The following WWC1 variants were observed in gnomAD, a reference collection of about 807,000 sequenced individuals.
WWC1 encodes the protein WW and C2 domain containing 1.
A neutral mutation model predicts 138.4 loss-of-function variants in WWC1; 55 were observed. That is an observed-to-expected ratio of 0.40 (90% CI 0.32 to 0.50). The LOEUF (loss-of-function observed/expected upper bound fraction) is 0.50. Ranked by LOEUF, WWC1 falls within the 20% of genes least tolerant of loss-of-function variation. The pLI is 0.72. For missense variants in WWC1, 1,226 were observed against 1,420.4 expected, an observed-to-expected ratio of 0.86 and a Z score of 2.20; for synonymous variants, 524 against 564.9, an observed-to-expected ratio of 0.93 and a Z score of 1.03.
intron 17 of WWC1, among the ~76,000 whole-genome samples, chr5:168,445,773 C>T (rs1279130427): frequency 4.7e-5 from 7 of 147,670 alleles, no homozygotes; most frequent in Non-Finnish European, 9.0e-5. Context: ...CATGGTGTTA[C>T]TGGGAATCCA....
At chr5:168,296,824 C>G (rs943882783) in intron 1 of WWC1, among the ~76,000 whole-genome samples, 3 of 152,186 alleles carry the variant, frequency 2.0e-5, no homozygotes, top group Non-Finnish European at 4.4e-5. Flanking sequence ...CATTTCTAAC[C>G]ACTGCCTCAT....
chr5:168,312,033 A>C (rs1275152811), intron 1 of WWC1, among the ~76,000 whole-genome samples: 4 of 151,702 alleles, frequency 2.6e-5, no homozygotes, highest in African/African-American at 7.3e-5. Flanking sequence ...TGGGTGACGG[A>C]GCAAGACTCA....
At chr5:168,464,592 C>T (rs1346769207) in intron 20 of WWC1, 137 bp from the exon 21 acceptor site, 1 of 1,408,610 alleles carries the variant, frequency 7.1e-7, no homozygotes, top group East Asian at 2.5e-5. Flanking sequence ...TCAAAACAGG[C>T]TTCCCAGGGA....
intron 8 of WWC1, chr5:168,410,284 C>T (rs1043342215): frequency 4.6e-5 from 17 of 372,406 alleles, no homozygotes; most frequent in African/African-American, 1.6e-4. Flanking sequence ...TTTCTGCAAC[C>T]GAGGCTTTCC....
intron 1 of WWC1, among the ~76,000 whole-genome samples, chr5:168,366,495 C>A (rs1009242567): frequency 6.6e-6 from 1 of 152,202 alleles, no homozygotes; most frequent in African/African-American, 2.4e-5. Context: ...CCCTCTCCTT[C>A]TAGCTTTGGG....
intron 1 of WWC1, among the ~76,000 whole-genome samples, chr5:168,359,720 G>A (rs1775741878): frequency 6.6e-6 from 1 of 152,016 alleles, no homozygotes; most frequent in Non-Finnish European, 1.5e-5. Context: ...TCACTTGTAT[G>A]TGTAAAAAAC....
chr5:168,435,764 C>G (rs901858812), intron 15 of WWC1, among the ~76,000 whole-genome samples: 1 of 152,128 alleles, frequency 6.6e-6, no homozygotes, highest in African/African-American at 2.4e-5. Flanking sequence ...GTTTCTTTCC[C>G]TTTCTTTATA....
chr5:168,411,820 C>A, intron 8 of WWC1: 2 of 265,122 alleles, frequency 7.5e-6, no homozygotes, highest in Non-Finnish European at 5.8e-6. Flanking sequence ...AATTAGGATT[C>A]TCTAAAGGTC....
At chr5:168,413,792 G>A (rs1780394238) in intron 8 of WWC1, among the ~76,000 whole-genome samples, 1 of 152,166 alleles carries the variant, frequency 6.6e-6, no homozygotes, top group African/African-American at 2.4e-5. Flanking sequence ...CTTGTTATGT[G>A]CCAGACACCC....
At chr5:168,440,765 C>T (rs1285116780) in intron 15 of WWC1, among the ~76,000 whole-genome samples, 1 of 152,200 alleles carries the variant, frequency 6.6e-6, no homozygotes, top group South Asian at 2.1e-4. Flanking sequence ...GATCCACCCA[C>T]CTCAGCCTCC....
intron 1 of WWC1, among the ~76,000 whole-genome samples, chr5:168,367,907 A>G (rs111266147): frequency 1.3e-5 from 2 of 151,932 alleles, no homozygotes; most frequent in African/African-American, 2.4e-5. Context: ...TGAAATCCCT[A>G]TATTCAGATA....
At chr5:168,337,005 A>G (rs1407018596) in intron 1 of WWC1, among the ~76,000 whole-genome samples, 1 of 152,200 alleles carries the variant, frequency 6.6e-6, no homozygotes, top group African/African-American at 2.4e-5. Flanking sequence ...GCTGTTTTTA[A>G]TGTACCATGA....
At chr5:168,371,388 A>G in intron 1 of WWC1, 36 bp from the exon 2 acceptor site, 1 of 1,532,312 alleles carries the variant, frequency 6.5e-7, no homozygotes, top group Non-Finnish European at 9.0e-7. Context: ...TGGGGACTGT[A>G]GGCTGATGGA....
intron 1 of WWC1, chr5:168,316,879 T>C (rs978595907): frequency 6.6e-6 from 1 of 152,338 alleles, no homozygotes; most frequent in Middle Eastern, 3.4e-3. Flanking sequence ...TCTGAACCCA[T>C]TCCCTTTCTC....
At chr5:168,366,293 G>T (rs979299312) in intron 1 of WWC1, among the ~76,000 whole-genome samples, 3 of 152,108 alleles carry the variant, frequency 2.0e-5, no homozygotes, top group Non-Finnish European at 2.9e-5. Flanking sequence ...CTCCCTCTTG[G>T]CATTTGTTCC....
chr5:168,466,998 A>C (rs1757350942), intron 21 of WWC1, among the ~76,000 whole-genome samples: 1 of 152,208 alleles, frequency 6.6e-6, no homozygotes, highest in Non-Finnish European at 1.5e-5. Flanking sequence ...GCGGTGGCTC[A>C]CGCCTGTAAT....
chr5:168,432,126 A>G (rs911364086), intron 15 of WWC1, among the ~76,000 whole-genome samples: 1 of 151,860 alleles, frequency 6.6e-6, no homozygotes, highest in Admixed American at 6.6e-5. Context: ...CACTTGCTGT[A>G]TAGCTGGATG....
chr5:168,393,335 C>T (rs1778647542), intron 3 of WWC1, among the ~76,000 whole-genome samples: 1 of 152,066 alleles, frequency 6.6e-6, no homozygotes. Flanking sequence ...GAACTTCAAA[C>T]ACTGGGACAA....
In WWC1 at chr5:168,355,770, G is replaced by T. The variant is rs184007646; in HGVS notation, c.120-15654G>T. Among the ~76,000 whole-genome samples, 131 of 152,256 alleles carry T rather than the reference G, an allele frequency of 8.6e-4. 2 individuals are homozygous for T. The East Asian group carries it at 0.015, about 18-fold the overall frequency. On this transcript the variant is annotated intron_variant, in intron 1 of 22. Coordinates refer to ENST00000265293, the MANE Select transcript of WWC1 (RefSeq NM_015238.3). ...CCGAGTGACAAGACTGGATTAATGT[G>T]TTGTTGTTTTTATTATGGGGGTGGG... is the stretch of plus-strand genomic sequence containing the variant.
Sources: gnomAD v4.1 joint callset for allele counts (sites outside exome capture counted in the v4.1 genomes callset) on GRCh38, gnomAD v4.1.1 for gene constraint, MANE v1.5 for transcripts, NCBI Gene and HGNC (gene_info 2026-07-23, HGNC 2026-07-21) for gene names.